Variants in SF1 observed in about 807,000 individuals in gnomAD.
The protein encoded by SF1 is branch point-binding protein.
A neutral mutation model predicts 62.5 loss-of-function variants in SF1; 7 were observed. The observed-to-expected ratio is 0.11, with a 90% confidence interval of 0.06 to 0.21. The LOEUF (loss-of-function observed/expected upper bound fraction) is 0.21. Among genes scored for constraint, SF1 ranks in the 10% least tolerant of loss-of-function variants. The pLI is 1.00. For missense variants in SF1, 578 were observed against 884.0 expected (o/e 0.65, Z 4.39); for synonymous variants, 394 against 323.6 (o/e 1.22, Z -2.33).
intron 1 of SF1, 37 bp from the exon 2 acceptor site, chr11:64,776,663 C>T (rs474707): frequency 0.13 from 204,286 of 1,597,754 alleles, 18,210 homozygotes; most frequent in East Asian, 0.39. Context: ...GATGTAAATA[C>T]AAGTAGTTAT....
chr11:64,774,185 A>G (rs779037378), intron 2 of SF1, among the ~76,000 whole-genome samples: 8 of 152,194 alleles, frequency 5.3e-5, no homozygotes, highest in African/African-American at 9.7e-5. Flanking sequence ...GACAAACCAC[A>G]TATCTTAATA....
At chr11:64,776,837 G>A (rs187462219) in intron 1 of SF1, among the ~76,000 whole-genome samples, 8 of 152,212 alleles carry the variant, frequency 5.3e-5, no homozygotes, top group African/African-American at 1.4e-4. Flanking sequence ...CCTTGGTCAG[G>A]CAAGTTAACA....
chr11:64,777,667 G>A, intron 1 of SF1: 1 of 985,580 alleles, frequency 1.0e-6, no homozygotes, highest in Non-Finnish European at 1.2e-6. Flanking sequence ...CTGAACACCC[G>A]CCACCCCTGT....
In SF1 at chr11:64,772,323, T is replaced by A. The variant is rs71581797; in HGVS notation, c.236+1107A>T. The A allele has an allele frequency of 1.3e-3, 1,078 of 802,112 alleles. 2 individuals are homozygous for A. In the South Asian group the frequency reaches 0.015, roughly 11 times the overall value. The allele number at this position is 802,112 out of a possible 1,614,324, so 49.7% of individuals were successfully genotyped here. ...TGGTCTATGACCTACAATGTAAATT[T>A]AAAAAAAAAAAAAATCTTCAAAAAG... On this transcript the variant is annotated intron_variant, in intron 3 of 12. Coordinates refer to ENST00000377390, the MANE Select transcript of SF1 (RefSeq NM_004630.4).
chr11:64,770,275 T>G lies in SF1; in HGVS notation c.370A>C (p.Lys124Gln). ...TEMVALNPDF[K>Q]PPADYKPPAT... ...GCTTACTTGTAATCTGCAGGTGGCT[T>G]GAAATCCGGATTGAGTGCAACCATC... Residue 124 changes from lysine to glutamine, a missense_variant, in exon 4 of 13, where the codon AAG (lysine) becomes CAG (glutamine). Physicochemically the swap from Lys to Gln is moderately conservative, Grantham distance 53. Coordinates refer to ENST00000377390, the MANE Select transcript of SF1 (RefSeq NM_004630.4). 1 of 1,613,096 alleles carries G rather than the reference T, an allele frequency of 6.2e-7. No individual in the cohort carries two copies. The highest frequency in any genetic ancestry group is 8.5e-7 in the Non-Finnish European group (1 of 1,179,246).
rs145736873 is a variant in SF1, at chr11:64,770,079, G to A, written c.390-26C>T. 5.8e-5 allele frequency: 93 copies of A among 1,592,142 alleles called. 1 individual carries two copies. In the East Asian group the frequency reaches 1.8e-3, roughly 31 times the overall value. ...CTAAGAAAGAAAAGCCTGTGTCACCGCACATTTCTGGAGAATGACACAGCC... is the reference window on the plus strand; with the variant it reads ...CTAAGAAAGAAAAGCCTGTGTCACCACACATTTCTGGAGAATGACACAGCC... On this transcript the variant is annotated intron_variant, in intron 4 of 12. Coordinates refer to ENST00000377390, the MANE Select transcript of SF1 (RefSeq NM_004630.4).
At position 64,765,479 on chromosome 11, in the gene SF1, A is replaced by T. The variant is rs201322993; in HGVS notation, c.*339T>A. On this transcript the variant is annotated 3_prime_UTR_variant, in exon 13 of 13. Transcript: ENST00000377390. The stretch of plus-strand genomic sequence containing the variant: ...TCACCAATGGGCGCGGAAAGTCCTC[A>T]CTCTCATGGCTCGGGCCATCGCCGC... The T allele has an allele frequency of 3.0e-5, 49 of 1,612,784 alleles. No homozygotes were observed. The highest frequency in any genetic ancestry group is 2.3e-4 in the South Asian group (21 of 90,980).
chr11:64,767,367 A>G, intron 10 of SF1, 116 bp from the exon 11 acceptor site: 1 of 1,155,802 alleles, frequency 8.7e-7, no homozygotes, highest in Non-Finnish European at 1.3e-6. Flanking sequence ...ATGCCTGTAA[A>G]AGGCAGGTCT....
intron 12 of SF1, 151 bp downstream of exon 12, chr11:64,766,749 C>G (rs1794956427): frequency 1.8e-6 from 1 of 542,452 alleles, no homozygotes; most frequent in African/African-American, 2.0e-5. Flanking sequence ...GCCCCTCCAC[C>G]CCCTGGACCA....
intron 1 of SF1, chr11:64,777,889 C>T (rs1052107658): frequency 4.5e-5 from 42 of 938,000 alleles, no homozygotes; most frequent in African/African-American, 1.3e-4. Flanking sequence ...CGCACGCGCG[C>T]CCCTGCCGCG....
At chr11:64,777,567 G>C in intron 1 of SF1, 1 of 985,394 alleles carries the variant, frequency 1.0e-6, no homozygotes, top group Non-Finnish European at 1.2e-6. Flanking sequence ...TTCCCATTCT[G>C]GTTCCTCAAG....
chr11:64,775,031 T>C (rs1397478379), intron 2 of SF1, among the ~76,000 whole-genome samples: 2 of 151,608 alleles, frequency 1.3e-5, no homozygotes, highest in African/African-American at 4.9e-5. Flanking sequence ...GACAGAAAAG[T>C]AGTAAGACAC....
At position 64,767,647 on chromosome 11, in the gene SF1, G is replaced by A; in HGVS notation, c.1266C>T (p.Pro422=). Residue 422 remains proline, a synonymous_variant, in exon 10 of 13, where the codon CCC becomes CCT. Coordinates refer to ENST00000377390, the MANE Select transcript of SF1 (RefSeq NM_004630.4). Reference sequence around the variant, plus strand: ...GTGGTGGTGGTGGCTGCATCCAAGGGGGTGGGGGTCCATTGGGGTTGTGCT... The same window carrying A: ...GTGGTGGTGGTGGCTGCATCCAAGGAGGTGGGGGTCCATTGGGGTTGTGCT... The part of the protein sequence containing the change: ...PMQHNPNGPP[P]PWMQPPPPPM... The A allele has an allele frequency of 6.2e-7, 1 of 1,601,792 alleles. No individual in the cohort carries two copies. Among genetic ancestry groups the A allele is most frequent in the South Asian group, 1.1e-5 (1 of 90,208 alleles).
At chr11:64,778,320 TGGGCCCG>T (rs1939750009) in intron 1 of SF1, 35 bp downstream of exon 1, 1 of 1,222,740 alleles carries the variant, frequency 8.2e-7, no homozygotes, top group South Asian at 4.1e-5. Context: ...AAGCCTCCTT[TGGGCCCG>T]GGGAGCGGGG....
intron 8 of SF1, 151 bp downstream of exon 8, chr11:64,768,871 A>C: frequency 3.0e-6 from 2 of 673,970 alleles, no homozygotes; most frequent in African/African-American, 1.8e-5. Flanking sequence ...GCCTATTTCT[A>C]ATCATCCTGG....
intron 3 of SF1, 140 bp from the exon 4 acceptor site, chr11:64,770,548 T>C (rs1288737374): frequency 1.1e-6 from 1 of 889,910 alleles, no homozygotes; most frequent in African/African-American, 1.7e-5. Flanking sequence ...TAACGTGTGC[T>C]ACTCAAGATC....
rs1282075938 is a variant in SF1, at chr11:64,767,611, C to G, written c.1302G>C (p.Gln434His). ...WMQPPPPPMNQGPHPPGHHGP... is the reference protein window; with the variant it reads ...WMQPPPPPMNHGPHPPGHHGP... Reference sequence around the variant, plus strand: ...CATGGTGCCCAGGAGGGTGGGGGCCCTGGTTCATCGGTGGTGGTGGTGGCT... The same window carrying G: ...CATGGTGCCCAGGAGGGTGGGGGCCGTGGTTCATCGGTGGTGGTGGTGGCT... The change falls in exon 10 of 13, where the codon CAG (glutamine) becomes CAC (histidine). Residue 434 changes from glutamine (Q) to histidine (H), a missense_variant. By Grantham distance (24) the Gln-to-His change is conservative. Around this residue, in one of 7 missense-constraint regions of SF1, gnomAD observed 410 missense variants for 452.4 expected, o/e 0.91. Coordinates refer to ENST00000377390, the MANE Select transcript of SF1 (RefSeq NM_004630.4). The G allele has an allele frequency of 6.3e-7, 1 of 1,584,470 alleles. No individual in the cohort carries two copies. The highest frequency in any genetic ancestry group is 1.9e-5 in the Admixed American group (1 of 52,532).
chr11:64,767,011 G>A lies in SF1; in HGVS notation c.1471C>T (p.Pro491Ser), dbSNP rs2058723526. ...GGGGGAAGAGGACCAGAGGGAGGGGGTGGGGGCTGCCCACTGGGAGGCGGC... is the reference window on the plus strand; with the variant it reads ...GGGGGAAGAGGACCAGAGGGAGGGGATGGGGGCTGCCCACTGGGAGGCGGC... ...PPPPPSGQPPPPPSGPLPPWQ... is the reference protein window; with the variant it reads ...PPPPPSGQPPSPPSGPLPPWQ... The change falls in exon 12 of 13, where the codon CCC becomes TCC. Residue 491 changes from proline (P) to serine (S), a missense_variant. By Grantham distance (74) the Pro-to-Ser change is moderately conservative. This residue lies in a region of SF1 where 410 missense variants were observed against 452.4 expected (regional missense o/e 0.91). Transcript: ENST00000377390. The A allele has an allele frequency of 1.9e-6, 3 of 1,540,756 alleles. No individual in the cohort carries two copies. Among genetic ancestry groups the A allele is most frequent in the Non-Finnish European group, 2.6e-6 (3 of 1,143,038 alleles).
chr11:64,767,350 GA>G, intron 10 of SF1, 99 bp from the exon 11 acceptor site: 1 of 1,269,098 alleles, frequency 7.9e-7, no homozygotes, highest in Admixed American at 1.7e-5. Context: ...CGCGAGTTCT[GA>G]AAACCATGCC....
Sources: gnomAD v4.1 joint callset for allele counts (sites outside exome capture counted in the v4.1 genomes callset) on GRCh38, gnomAD v4.1.1 for gene constraint, gnomAD v4.1.1 regional missense constraint, MANE v1.5 for transcripts, NCBI Gene and HGNC (gene_info 2026-07-23, HGNC 2026-07-21) for gene names.